Variants in RAP1GAP2 observed in about 807,000 individuals in gnomAD.
The protein encoded by RAP1GAP2 is rap1 GTPase-activating protein 2.
RAP1GAP2 carries 27 observed loss-of-function variants against 95.0 expected under a neutral mutation model. The ratio of observed to expected loss-of-function variants is 0.28; its 90% CI spans 0.21 to 0.39. The LOEUF is 0.39. Ranked by LOEUF, RAP1GAP2 falls within the 10% of genes least tolerant of loss-of-function variation. The probability of loss-of-function intolerance (pLI) is 1.00; values close to 1 mark genes in which losing one functional copy is unlikely to be tolerated. For missense variants in RAP1GAP2, 771 were observed against 970.0 expected, an observed-to-expected ratio of 0.79 and a Z score of 2.72; for synonymous variants, 373 against 380.9, an observed-to-expected ratio of 0.98 and a Z score of 0.24.
At chr17:2,789,249 T>C (rs1214640219) in intron 1 of RAP1GAP2, among the ~76,000 whole-genome samples, 1 of 152,060 alleles carries the variant, frequency 6.6e-6, no homozygotes, top group Non-Finnish European at 1.5e-5. Context: ...GGTTCCACCA[T>C]GTTGCCCACA....
intron 11 of RAP1GAP2, among the ~76,000 whole-genome samples, chr17:2,988,544 T>C (rs1002694272): frequency 3.3e-5 from 5 of 152,264 alleles, no homozygotes; most frequent in African/African-American, 1.2e-4. Flanking sequence ...GGTGTATCAA[T>C]ACTGTGTTCT....
At chr17:2,964,986 A>T (rs1480036074) in intron 7 of RAP1GAP2, 2 of 154,330 alleles carry the variant, frequency 1.3e-5, no homozygotes, top group African/African-American at 4.8e-5. Context: ...AGGTCTGGGG[A>T]GCTGTGTTTT....
chr17:2,978,882 C>T lies in RAP1GAP2; in HGVS notation c.597-1405C>T, dbSNP rs372136141. Among the ~76,000 whole-genome samples the T allele has an allele frequency of 6.6e-5, 10 of 152,056 alleles. 1 individual carries two copies. The highest frequency in any genetic ancestry group is 3.3e-4 in the Admixed American group (5 of 15,248). On this transcript the variant is annotated intron_variant, in intron 8 of 24. Transcript: ENST00000254695. ...ACCGGGAGGCGGAGGTTGTAGTGAG[C>T]CGAGATCACGCCATTGCACTCCAGC... is the stretch of plus-strand genomic sequence containing the variant.
In RAP1GAP2 at chr17:3,003,396, C is replaced by T. The variant is rs567990053; in HGVS notation, c.1201-1973C>T. Among the ~76,000 whole-genome samples the T allele has an allele frequency of 3.3e-5, 5 of 152,282 alleles. No individual in the cohort carries two copies. The highest frequency in any genetic ancestry group is 4.1e-4 in the South Asian group (2 of 4,828). On this transcript the variant is annotated intron_variant, in intron 14 of 24. Transcript: ENST00000254695. The surrounding 1 kb of genome is among the most constrained non-coding windows in gnomAD (Gnocchi z 4.1). Reference sequence around the variant, plus strand: ...TCCCCCCTATCCCTGCCTCCCTCTCCGGAAGTCCTCAAAGGTGTCAGGAAT... The same window carrying T: ...TCCCCCCTATCCCTGCCTCCCTCTCTGGAAGTCCTCAAAGGTGTCAGGAAT...
chr17:2,809,740 C>A (rs2069675620), intron 2 of RAP1GAP2, among the ~76,000 whole-genome samples: 2 of 152,176 alleles, frequency 1.3e-5, no homozygotes, highest in South Asian at 4.1e-4. Flanking sequence ...AAGACTCGTG[C>A]CTCCCCAGAT....
intron 3 of RAP1GAP2, among the ~76,000 whole-genome samples, chr17:2,916,910 C>G (rs56108384): frequency 6.6e-6 from 1 of 152,122 alleles, no homozygotes; most frequent in African/African-American, 2.4e-5. Flanking sequence ...GGCCCCAGAG[C>G]GGAGCCACGC....
intron 3 of RAP1GAP2, among the ~76,000 whole-genome samples, chr17:2,942,980 G>C (rs1355541550): frequency 6.6e-6 from 1 of 151,996 alleles, no homozygotes; most frequent in Non-Finnish European, 1.5e-5. Flanking sequence ...TGTTGGTCAG[G>C]CTGGTCTTGA....
At chr17:2,946,554 C>T (rs1157369331) in intron 3 of RAP1GAP2, among the ~76,000 whole-genome samples, 1 of 152,136 alleles carries the variant, frequency 6.6e-6, no homozygotes, top group East Asian at 1.9e-4. Context: ...TTTAAGATGT[C>T]CTATAAAAAC....
intron 2 of RAP1GAP2, among the ~76,000 whole-genome samples, chr17:2,860,853 A>G (rs191431567): frequency 6.6e-6 from 1 of 151,668 alleles, no homozygotes; most frequent in East Asian, 1.9e-4. Flanking sequence ...TGATCCTCCT[A>G]CCTCAGTCTC....
intron 17 of RAP1GAP2, among the ~76,000 whole-genome samples, chr17:3,013,632 CTTTTTTTTTTT>C (rs998163717): frequency 2.5e-5 from 2 of 78,856 alleles, no homozygotes; most frequent in South Asian, 5.4e-4. Context: ...CTTTTCTTTT[CTTTTTTTTTTT>C]TTTTTTTTTT....
intron 3 of RAP1GAP2, among the ~76,000 whole-genome samples, chr17:2,925,039 T>A (rs1268154513): frequency 6.6e-6 from 1 of 152,204 alleles, no homozygotes; most frequent in Non-Finnish European, 1.5e-5. Flanking sequence ...TGGGACTGTA[T>A]GTGAGTGCCC....
Position 3,037,364 on chromosome 17 carries a change from A to AGC in RAP1GAP2, c.*4003_*4004insGC, listed in dbSNP as rs776881618. The AGC allele has an allele frequency of 1.1e-3, 34 of 29,742 alleles. 1 individual carries two copies. Among genetic ancestry groups the AGC allele is most frequent in the African/African-American group, 2.3e-3 (33 of 14,504 alleles). The allele number at this position is 29,742 out of a possible 1,614,324, so 1.8% of individuals were successfully genotyped here. On this transcript the variant is annotated 3_prime_UTR_variant, in exon 25 of 25. Transcript: ENST00000254695. ...ACATTTCTGCTTGGAAGTGTGAACT[A>AGC]CCCCCCCCCCCCCGCTTCCTGCTCC...
Position 2,981,344 on chromosome 17 carries a change from G to A in RAP1GAP2, c.729+96G>A. 12 of 1,109,894 alleles carry A rather than the reference G, an allele frequency of 1.1e-5. No individual in the cohort carries two copies. The South Asian group carries it at 1.7e-4, about 16-fold the overall frequency. The allele number at this position is 1,109,894 out of a possible 1,614,324, so 68.8% of individuals were successfully genotyped here. A position where few individuals can be genotyped will look rare whatever the true frequency, so the allele number is the denominator to read the frequency against. ...GGGGAGTTCTCTGCATCATAGTGGG[G>A]TTTCGTGGGGTCTCCATAATAAGCT... is the stretch of plus-strand genomic sequence containing the variant. On this transcript the variant is annotated intron_variant, in intron 10 of 24. Transcript: ENST00000254695.
Position 2,870,174 on chromosome 17 carries a change from A to G in RAP1GAP2, c.81-35110A>G, listed in dbSNP as rs140040708. Among the ~76,000 whole-genome samples the G allele has an allele frequency of 8.6e-5, 13 of 151,402 alleles. No individual in the cohort carries two copies. The highest frequency in any genetic ancestry group is 2.0e-4 in the East Asian group (1 of 5,112). On this transcript the variant is annotated intron_variant, in intron 2 of 24. Coordinates refer to ENST00000254695, the MANE Select transcript of RAP1GAP2 (RefSeq NM_015085.5). This position sits in a 1 kb window ranked among gnomAD's most constrained non-coding sequence, Gnocchi z 4.4. ...GCACTGTCACCCGGGCTGGAATGCA[A>G]TGGTGCAATCTCGGCTCACTGTAAC...
intron 17 of RAP1GAP2, among the ~76,000 whole-genome samples, chr17:3,009,421 T>A (rs1597863333): frequency 6.6e-6 from 1 of 152,354 alleles, no homozygotes; most frequent in East Asian, 1.9e-4. Flanking sequence ...GTTTTAATAA[T>A]GATAGGCATA....
intron 2 of RAP1GAP2, among the ~76,000 whole-genome samples, chr17:2,811,934 C>T (rs561727111): frequency 1.3e-5 from 2 of 152,182 alleles, no homozygotes; most frequent in African/African-American, 4.8e-5. Flanking sequence ...AGGCTGGTCT[C>T]GAACTCCCAA....
At chr17:3,010,586 T>A (rs1455355391) in intron 17 of RAP1GAP2, among the ~76,000 whole-genome samples, 5 of 152,064 alleles carry the variant, frequency 3.3e-5, no homozygotes, top group Admixed American at 2.6e-4. Context: ...GTGGCAGGTA[T>A]AAAGAGAGTG....
At chr17:2,793,624 C>T (rs1379577072), upstream of RAP1GAP2, among the ~76,000 whole-genome samples, 1 of 152,214 alleles carries the variant, frequency 6.6e-6, no homozygotes, top group South Asian at 2.1e-4. Flanking sequence ...ACTGTTCCCA[C>T]TTTCACTTGT....
intron 8 of RAP1GAP2, among the ~76,000 whole-genome samples, chr17:2,976,453 A>G (rs914539880): frequency 2.0e-5 from 3 of 152,232 alleles, no homozygotes; most frequent in African/African-American, 7.2e-5. Context: ...TTAAAAAATG[A>G]CTAATGGACT....
Sources: allele counts gnomAD v4.1 joint callset (sites outside exome capture counted in the v4.1 genomes callset), GRCh38; gene constraint gnomAD v4.1.1; non-coding constraint Gnocchi (gnomAD v3.1); transcripts MANE v1.5; gene names NCBI Gene and HGNC (gene_info 2026-07-23, HGNC 2026-07-21).